The following EPHA5 variants were observed in gnomAD, a reference collection of about 807,000 sequenced individuals.
EPHA5 encodes ephrin type-A receptor 5.
Under a neutral mutation model 105.0 loss-of-function variants are expected in EPHA5, and 60 were observed. The ratio of observed to expected loss-of-function variants is 0.57; its 90% CI spans 0.46 to 0.71. The LOEUF is 0.71. Ranked by LOEUF, EPHA5 falls within the 30% of genes least tolerant of loss-of-function variation. The pLI, the probability that EPHA5 is intolerant of heterozygous loss-of-function variation, is 0.00. For missense variants in EPHA5, 1,218 were observed against 1,274.7 expected (o/e 0.96, Z 0.68); for synonymous variants, 513 against 449.1 (o/e 1.14, Z -1.80).
rs760787898 is a variant in EPHA5, at chr4:65,365,094, T to A, written c.2096A>T (p.Asp699Val). Residue 699 changes from aspartate (D) to valine (V), a missense_variant, in exon 11 of 17, where the codon GAT becomes GTT. Coordinates refer to ENST00000613740, the MANE Select transcript of EPHA5 (RefSeq NM_001281766.3). ...KVGYTEKQRRDFLGEASIMGQ... is the reference protein window; with the variant it reads ...KVGYTEKQRRVFLGEASIMGQ... ...CATGATACTTGCTTCACCTAGGAAA[T>A]CTCTGCGTTGCTTTTCAGTATAGCC... is the stretch of plus-strand genomic sequence containing the variant. 18 of 1,611,964 alleles carry A rather than the reference T, an allele frequency of 1.1e-5. No individual in the cohort carries two copies. The highest frequency in any genetic ancestry group is 1.5e-5 in the Non-Finnish European group (18 of 1,178,536).
chr4:65,520,392 G>T (rs1017366001), intron 3 of EPHA5, among the ~76,000 whole-genome samples: 1 of 152,112 alleles, frequency 6.6e-6, no homozygotes, highest in Non-Finnish European at 1.5e-5. Context: ...ATGGATTAAA[G>T]ACTTAAATAT....
chr4:65,404,522 C>T (rs754581774), intron 7 of EPHA5, 43 bp from the exon 8 acceptor site: 4 of 1,558,158 alleles, frequency 2.6e-6, no homozygotes, highest in African/African-American at 1.4e-5. Flanking sequence ...TTAAAGTGAT[C>T]ACATGCATTC....
At chr4:65,596,371 T>A (rs780518217) in intron 3 of EPHA5, among the ~76,000 whole-genome samples, 1 of 151,954 alleles carries the variant, frequency 6.6e-6, no homozygotes, top group Non-Finnish European at 1.5e-5. Context: ...CTAAACAGTC[T>A]ACAGTGAACA....
At chr4:65,659,338 A>G (rs1393250615) in intron 1 of EPHA5, among the ~76,000 whole-genome samples, 1 of 147,146 alleles carries the variant, frequency 6.8e-6, no homozygotes, top group Non-Finnish European at 1.5e-5. Context: ...AAAAAAAAAA[A>G]AAAAAAAAAA....
At chr4:65,613,089 G>A (rs13125077) in intron 2 of EPHA5, among the ~76,000 whole-genome samples, 46,517 of 151,628 alleles carry the variant, frequency 0.31, 7,282 homozygotes, top group Non-Finnish European at 0.33. Flanking sequence ...ATTTTTCTGC[G>A]TATAGCAATC....
intron 2 of EPHA5, among the ~76,000 whole-genome samples, chr4:65,609,687 G>A (rs922668422): frequency 4.7e-5 from 7 of 148,542 alleles, no homozygotes; most frequent in East Asian, 2.0e-4. Context: ...TTTCAAAAAC[G>A]TATGGATCCT....
rs1470944127 is a variant in EPHA5 at position 65,367,486 on chromosome 4, C to T, written c.1794-62G>A. 3.4e-6 allele frequency: 5 copies of T among 1,482,666 alleles called. No homozygotes were observed. In the South Asian group the frequency reaches 5.7e-5, roughly 17 times the overall value. The allele number at this position is 1,482,666 out of a possible 1,614,324, so 91.8% of individuals were successfully genotyped here. A position where few individuals can be genotyped will look rare whatever the true frequency, so the allele number is the denominator to read the frequency against. On this transcript the variant is annotated intron_variant, in intron 8 of 16. Transcript: ENST00000613740. Reference sequence around the variant, plus strand: ...AGTGGTGAATCAGTCACATCAAGCCCAGAAGCATGAAGCACAACTGAAATT... The same window carrying T: ...AGTGGTGAATCAGTCACATCAAGCCTAGAAGCATGAAGCACAACTGAAATT...
rs2148772948 is a variant in EPHA5, at chr4:65,322,843, T to C, written c.*1271A>G. ...ATATATATATTTGTGTGTGTGTATGTGTATATATATATATTTGTCATAATT... is the reference window on the plus strand; with the variant it reads ...ATATATATATTTGTGTGTGTGTATGCGTATATATATATATTTGTCATAATT... On this transcript the variant is annotated 3_prime_UTR_variant, in exon 17 of 17. Transcript: ENST00000613740. 1 of 229,100 alleles carries C rather than the reference T, an allele frequency of 4.4e-6. No homozygotes were observed. The highest frequency in any genetic ancestry group is 6.2e-5 in the East Asian group (1 of 16,134). 14.2% of individuals were successfully genotyped at this position (229,100 alleles called of 1,614,324 possible). A position where few individuals can be genotyped will look rare whatever the true frequency, so the allele number is the denominator to read the frequency against.
chr4:65,426,838 T>G (rs372246328), intron 5 of EPHA5, among the ~76,000 whole-genome samples: 1 of 152,148 alleles, frequency 6.6e-6, no homozygotes, highest in Non-Finnish European at 1.5e-5. Flanking sequence ...AGCAATATAT[T>G]TTTTATTTGT....
Position 65,365,178 on chromosome 4 carries a change from C to A in EPHA5, c.2012G>T (p.Gly671Val), listed in dbSNP as rs2148889140. ...GAGEFGEVCS[G>V]RLKLPGKREL... ...TCTTTTTCCTGGTAGTTTCAAACGTCCACTACAAACTTCACCAAATTCACC... is the reference window on the plus strand; with the variant it reads ...TCTTTTTCCTGGTAGTTTCAAACGTACACTACAAACTTCACCAAATTCACC... Residue 671 changes from glycine (G) to valine (V), a missense_variant, in exon 11 of 17, where the codon GGA becomes GTA. Physicochemically the swap from Gly to Val is moderately radical, Grantham distance 109. Transcript: ENST00000613740. The A allele has an allele frequency of 6.2e-7, 1 of 1,610,374 alleles. No individual in the cohort carries two copies. Among genetic ancestry groups the A allele is most frequent in the Non-Finnish European group, 8.5e-7 (1 of 1,177,740 alleles).
intron 14 of EPHA5, among the ~76,000 whole-genome samples, chr4:65,345,830 T>C (rs1399353652): frequency 6.6e-6 from 1 of 152,020 alleles, no homozygotes; most frequent in East Asian, 1.9e-4. Context: ...TGGTGTGCAG[T>C]GGCGCAATCT....
intron 3 of EPHA5, among the ~76,000 whole-genome samples, chr4:65,545,220 A>G (rs1361919028): frequency 2.0e-5 from 3 of 151,884 alleles, no homozygotes; most frequent in Non-Finnish European, 2.9e-5. Flanking sequence ...TTTAATAAGC[A>G]TATTTTTGCT....
At chr4:65,370,138 T>C (rs571081041) in intron 8 of EPHA5, among the ~76,000 whole-genome samples, 6 of 152,262 alleles carry the variant, frequency 3.9e-5, no homozygotes, top group African/African-American at 7.2e-5. Flanking sequence ...TCAAATTTTA[T>C]TCATAACACT....
intron 2 of EPHA5, among the ~76,000 whole-genome samples, chr4:65,619,798 C>T (rs549200300): frequency 5.1e-4 from 77 of 151,998 alleles, no homozygotes; most frequent in African/African-American, 1.4e-3. Context: ...CATAAAAATA[C>T]ATACATGTCC....
At chr4:65,664,703 T>C (rs1749822013) in intron 1 of EPHA5, among the ~76,000 whole-genome samples, 1 of 151,936 alleles carries the variant, frequency 6.6e-6, no homozygotes, top group Admixed American at 6.6e-5. Context: ...GGAGCCATTC[T>C]CCACCTGAAA....
intron 3 of EPHA5, among the ~76,000 whole-genome samples, chr4:65,552,033 G>A (rs1021304789): frequency 2.0e-5 from 3 of 152,130 alleles, no homozygotes; most frequent in African/African-American, 7.2e-5. Context: ...TTTAGGCCTC[G>A]ATTATTTCTA....
chr4:65,331,913 T>C, intron 16 of EPHA5, 60 bp downstream of exon 16: 1 of 1,551,928 alleles, frequency 6.4e-7, no homozygotes, highest in Non-Finnish European at 8.7e-7. Context: ...TCCAGATTGG[T>C]TTTTGAACAA....
At chr4:65,596,702 AC>A in intron 3 of EPHA5, among the ~76,000 whole-genome samples, 1 of 151,966 alleles carries the variant, frequency 6.6e-6, no homozygotes, top group Non-Finnish European at 1.5e-5. Flanking sequence ...ACACACACAC[AC>A]ACACCAACAC....
At chr4:65,633,314 T>C (rs930902250) in intron 2 of EPHA5, among the ~76,000 whole-genome samples, 1 of 151,642 alleles carries the variant, frequency 6.6e-6, no homozygotes, top group Non-Finnish European at 1.5e-5. Flanking sequence ...TTAATTCAAA[T>C]TGACTTGCAT....
Sources: gnomAD v4.1 joint callset for allele counts (sites outside exome capture counted in the v4.1 genomes callset) on GRCh38, gnomAD v4.1.1 for gene constraint, MANE v1.5 for transcripts, NCBI Gene and HGNC (gene_info 2026-07-23, HGNC 2026-07-21) for gene names.